CALU: variants seen among roughly 807,000 people sequenced by gnomAD.
CALU encodes IEF SSP 9302.
Under a neutral mutation model 37.5 loss-of-function variants are expected in CALU, and 13 were observed. That is an observed-to-expected ratio of 0.35 (90% CI 0.23 to 0.55). The LOEUF (loss-of-function observed/expected upper bound fraction) is 0.55, where lower values mean the gene tolerates loss of function less well. CALU is among the 20% of genes least tolerant of loss of function. The pLI is 0.89. For missense variants in CALU, 282 were observed against 391.7 expected, an observed-to-expected ratio of 0.72 and a Z score of 2.36; for synonymous variants, 114 against 133.8, an observed-to-expected ratio of 0.85 and a Z score of 1.02.
chr7:128,771,513 A>G lies in CALU; in HGVS notation c.*2346A>G, dbSNP rs1303956856. ...ATGACCTTCATTTTCCAAGAAATAG[A>G]ACTCTAGCTTAGAATTATGGATGCT... On this transcript the variant is annotated 3_prime_UTR_variant, in exon 7 of 7. Transcript: ENST00000249364. 6.6e-6 allele frequency: 1 copy of G among 152,656 alleles called. No homozygotes were observed. Among genetic ancestry groups the G allele is most frequent in the Non-Finnish European group, 1.5e-5 (1 of 68,044 alleles). The allele number at this position is 152,656 out of a possible 1,614,324, so 9.5% of individuals were successfully genotyped here.
Position 128,772,004 on chromosome 7 carries a change from C to T in CALU, c.*2837C>T, listed in dbSNP as rs1562886178. ...GTGGACATGGCTGTTCCTGCCAAAG[C>T]TGTAGCAGTTATCCAAAAGTTCTTT... On this transcript the variant is annotated 3_prime_UTR_variant, in exon 7 of 7. Coordinates refer to ENST00000249364, the MANE Select transcript of CALU (RefSeq NM_001219.5). Among the ~76,000 whole-genome samples the T allele has an allele frequency of 6.6e-6, 1 of 151,610 alleles. No individual in the cohort carries two copies. Among genetic ancestry groups the T allele is most frequent in the Non-Finnish European group, 1.5e-5 (1 of 67,978 alleles).
intron 3 of CALU, among the ~76,000 whole-genome samples, chr7:128,757,585 A>T (rs1800938400): frequency 6.6e-6 from 1 of 152,180 alleles, no homozygotes; most frequent in Admixed American, 6.5e-5. Context: ...TTATTCTTAA[A>T]GGGGCCCTGT....
chr7:128,764,785 C>A (rs540430324), intron 5 of CALU, among the ~76,000 whole-genome samples: 47 of 151,362 alleles, frequency 3.1e-4, no homozygotes, highest in African/African-American at 1.1e-3. Flanking sequence ...CACTTAATTG[C>A]CCTTTTTTTT....
At chr7:128,744,981 C>G (rs879488501) in intron 1 of CALU, among the ~76,000 whole-genome samples, 13 of 152,178 alleles carry the variant, frequency 8.5e-5, no homozygotes, top group Non-Finnish European at 1.6e-4. Context: ...GTAAACCAAT[C>G]TATTACATTT....
Position 128,753,162 on chromosome 7 carries a change from G to C in CALU, c.222-1100G>C, listed in dbSNP as rs186273392. ...AGAGTCACTAGTACTTTTCAATTCT[G>C]ATCACTTTCCTATGTTGTATTCATG... On this transcript the variant is annotated intron_variant, in intron 2 of 6. Coordinates refer to ENST00000249364, the MANE Select transcript of CALU (RefSeq NM_001219.5). 1.0e-3 allele frequency among the ~76,000 whole-genome samples: 159 copies of C among 152,282 alleles called. 3 individuals carry two copies. The highest frequency in any genetic ancestry group is 6.0e-4 in the Non-Finnish European group (41 of 68,030).
intron 6 of CALU, among the ~76,000 whole-genome samples, chr7:128,767,865 A>G (rs140753275): frequency 4.8e-4 from 73 of 152,302 alleles, no homozygotes; most frequent in Non-Finnish European, 4.3e-4. Flanking sequence ...TGCTGATAGC[A>G]TTGTAGGAAA....
chr7:128,746,855 G>A (rs1194097440), intron 1 of CALU, among the ~76,000 whole-genome samples: 1 of 143,476 alleles, frequency 7.0e-6, no homozygotes, highest in Non-Finnish European at 1.5e-5. Context: ...TGCAAGCTCT[G>A]CCTCCTGGGT....
intron 3 of CALU, among the ~76,000 whole-genome samples, chr7:128,757,927 A>G (rs1421872689): frequency 6.9e-6 from 1 of 143,892 alleles, no homozygotes; most frequent in African/African-American, 2.5e-5. Flanking sequence ...TTTTTTGTAT[A>G]CCTTTGTCAA....
intron 2 of CALU, among the ~76,000 whole-genome samples, chr7:128,749,400 G>A (rs551346639): frequency 9.2e-5 from 14 of 152,200 alleles, no homozygotes; most frequent in Admixed American, 3.9e-4. Flanking sequence ...TGGCTCTCTC[G>A]GTAGACATCT....
At chr7:128,768,867 A>AAAAAAAAAAAAAAAAAAAAG in intron 6 of CALU, among the ~76,000 whole-genome samples, 196 bp from the exon 7 acceptor site, 1 of 150,926 alleles carries the variant, frequency 6.6e-6, no homozygotes, top group Non-Finnish European at 1.5e-5. Context: ...AAAAAAAAAA[A>AAAAAAAAAAAAAAAAAAAAG]ACAAGGAATG....
rs183380551 is a variant in CALU at position 128,766,337 on chromosome 7, G to T, written c.644-1119G>T. Among the ~76,000 whole-genome samples the T allele has an allele frequency of 6.0e-5, 9 of 148,946 alleles. No individual in the cohort carries two copies. The East Asian group carries it at 1.6e-3, about 27-fold the overall frequency. On this transcript the variant is annotated intron_variant, in intron 5 of 6. Transcript: ENST00000249364. ...TCAAGGTTTTTTTTTTTAAAGCAAA[G>T]AATTTAAAACCTTTTGACATGCAAA...
At chr7:128,752,563 T>A (rs1390301714) in intron 2 of CALU, among the ~76,000 whole-genome samples, 1 of 152,252 alleles carries the variant, frequency 6.6e-6, no homozygotes, top group Non-Finnish European at 1.5e-5. Context: ...TTATAAATAA[T>A]GTAGAACTTT....
rs1437884441 is a variant in CALU, at chr7:128,772,075, GTTTT to G, written c.*2909_*2912del. ...CTGAGTTTTTTTTGTTTTTTTTTTT[GTTTT>G]GTTTTGTTTTTTCTTTATGTCTCTC... On this transcript the variant is annotated 3_prime_UTR_variant, in exon 7 of 7. Transcript: ENST00000249364. 1.9e-5 allele frequency among the ~76,000 whole-genome samples: 1 copy of G among 54,018 alleles called. No homozygotes were observed. Among genetic ancestry groups the G allele is most frequent in the Non-Finnish European group, 5.2e-5 (1 of 19,386 alleles). 35.4% of individuals were successfully genotyped at this position (54,018 alleles called of 152,430 possible). A position where few individuals can be genotyped will look rare whatever the true frequency, so the allele number is the denominator to read the frequency against.
rs767731305 is a variant in CALU at position 128,759,870 on chromosome 7, G to A, written c.643+18G>A. 1 of 1,255,856 alleles carries A rather than the reference G, an allele frequency of 8.0e-7. No individual in the cohort carries two copies. Among genetic ancestry groups the A allele is most frequent in the South Asian group, 1.2e-5 (1 of 83,912 alleles). The allele number at this position is 1,255,856 out of a possible 1,614,324, so 77.8% of individuals were successfully genotyped here. ...GTATATTGGTAAGTCTCTGCTTTTA[G>A]TGTTTTTCTTAGAAAAGCTGAGAAG... On this transcript the variant is annotated intron_variant, in intron 5 of 6. Transcript: ENST00000249364.
chr7:128,739,608 G>C (rs1800151105), intron 1 of CALU, among the ~76,000 whole-genome samples, 176 bp downstream of exon 1: 1 of 152,120 alleles, frequency 6.6e-6, no homozygotes, highest in Admixed American at 6.5e-5. Flanking sequence ...TCTGTGTGCA[G>C]CCTGGGATGG....
In CALU at chr7:128,748,724, T is replaced by G; in HGVS notation, c.141T>G (p.Tyr47Ter). Reference protein sequence around the residue: ...KVHNDAQSFDYDHDAFLGAEE... With the variant: ...KVHNDAQSFD ...ACAATGATGCTCAGAGTTTTGATTA[T>G]GACCATGATGCCTTCTTGGGTGCTG... The change falls in exon 2 of 7, where the codon TAT becomes TAG. Residue 47 changes from tyrosine (Y) to a stop codon, truncating the protein, a stop_gained. Transcript: ENST00000249364. LOFTEE classifies it high-confidence loss of function. 1 of 1,614,222 alleles carries G rather than the reference T, an allele frequency of 6.2e-7. No individual in the cohort carries two copies. The highest frequency in any genetic ancestry group is 8.5e-7 in the Non-Finnish European group (1 of 1,180,034).
rs530178628 is a variant in CALU, at chr7:128,759,797, A to G, written c.588A>G (p.Thr196=). 14 of 1,344,314 alleles carry G rather than the reference A, an allele frequency of 1.0e-5. No homozygotes were observed. In the South Asian group the frequency reaches 1.3e-4, roughly 12 times the overall value. The allele number at this position is 1,344,314 out of a possible 1,614,324, so 83.3% of individuals were successfully genotyped here. Residue 196 remains threonine (T), a synonymous_variant, in exon 5 of 7, where the codon ACA becomes ACG. Coordinates refer to ENST00000249364, the MANE Select transcript of CALU (RefSeq NM_001219.5). ...DYMKDIVVQE[T]MEDIDKNADG... is the part of the protein sequence containing the mutation. ...TCTTATTCTTTCCTGTTTAGGAAAC[A>G]ATGGAAGATATAGATAAGAATGCTG...
intron 1 of CALU, among the ~76,000 whole-genome samples, chr7:128,747,394 CAG>C (rs1195041045): frequency 6.6e-6 from 1 of 152,176 alleles, no homozygotes; most frequent in African/African-American, 2.4e-5. Context: ...TCATCAGTAA[CAG>C]TACCTTATTT....
intron 3 of CALU, among the ~76,000 whole-genome samples, chr7:128,758,084 A>T (rs965585262): frequency 2.6e-5 from 4 of 151,924 alleles, no homozygotes; most frequent in African/African-American, 9.7e-5. Flanking sequence ...TCCCTTGGTA[A>T]TCCTTCTCAT....
Sources: allele counts gnomAD v4.1 joint callset (sites outside exome capture counted in the v4.1 genomes callset), GRCh38; gene constraint gnomAD v4.1.1; transcripts MANE v1.5; gene names NCBI Gene and HGNC (gene_info 2026-07-23, HGNC 2026-07-21).